The following GSE1 variants were observed in gnomAD, a reference collection of about 807,000 sequenced individuals.
The protein encoded by GSE1 is genetic suppressor element 1.
GSE1 carries 32 observed loss-of-function variants against 112.6 expected under a neutral mutation model. The ratio of observed to expected loss-of-function variants is 0.28; its 90% CI spans 0.21 to 0.38. The LOEUF is 0.38. Ranked by LOEUF, GSE1 falls within the 10% of genes least tolerant of loss-of-function variation. The pLI is 1.00. For missense variants in GSE1, 2,348 were observed against 1,699.2 expected (o/e 1.38, Z -6.71); for synonymous variants, 1,115 against 735.6 (o/e 1.52, Z -8.35).
intron 1 of GSE1, among the ~76,000 whole-genome samples, chr16:85,626,541 A>G (rs1291263887): frequency 6.6e-6 from 1 of 152,232 alleles, no homozygotes; most frequent in Non-Finnish European, 1.5e-5. Context: ...ATCCAGGTCC[A>G]GATTGTGTGT....
chr16:85,502,349 G>T (rs2051397769), intron 2 of GSE1, among the ~76,000 whole-genome samples: 1 of 152,330 alleles, frequency 6.6e-6, no homozygotes, highest in Middle Eastern at 3.4e-3. Context: ...TCATGGCCCT[G>T]TGTGTGCCGC....
At chr16:85,390,797 G>A (rs982042404) in intron 2 of GSE1, among the ~76,000 whole-genome samples, 32 of 145,750 alleles carry the variant, frequency 2.2e-4, no homozygotes, top group African/African-American at 7.1e-4. Context: ...TTTACCTCCC[G>A]GCTCCTCTGA....
At position 85,674,489 on chromosome 16, in the gene GSE1, A is replaced by G. The variant is rs1453975975; in HGVS notation, c.*1950A>G. On this transcript the variant is annotated 3_prime_UTR_variant, in exon 16 of 16. Transcript: ENST00000253458. ...AGGTGTTCAGAGGGAGTCTGCTACA[A>G]ACTATCAGGGCAAAATCTCACTGGA... is the stretch of plus-strand genomic sequence containing the variant. 1 of 152,144 alleles carries G rather than the reference A, an allele frequency of 6.6e-6. No homozygotes were observed. Among genetic ancestry groups the G allele is most frequent in the East Asian group, 1.9e-4 (1 of 5,194 alleles). 9.4% of individuals were successfully genotyped at this position (152,144 alleles called of 1,614,324 possible).
At chr16:85,192,831 G>T (rs1455154508) in intron 1 of GSE1, among the ~76,000 whole-genome samples, 1 of 152,166 alleles carries the variant, frequency 6.6e-6, no homozygotes, top group Admixed American at 6.5e-5. Context: ...GGTCGAGGCA[G>T]CATCTGGGCC....
At chr16:85,459,692 A>C (rs2049921963) in intron 2 of GSE1, among the ~76,000 whole-genome samples, 1 of 152,214 alleles carries the variant, frequency 6.6e-6, no homozygotes, top group Non-Finnish European at 1.5e-5. Flanking sequence ...CACTGAACCC[A>C]GTCTGCCCAC....
intron 1 of GSE1, among the ~76,000 whole-genome samples, chr16:85,186,060 C>A (rs2074694516): frequency 6.6e-6 from 1 of 152,162 alleles, no homozygotes; most frequent in Non-Finnish European, 1.5e-5. Flanking sequence ...GACATCTGAC[C>A]ATAGTCACCA....
chr16:85,569,052 G>A (rs532882743), intron 1 of GSE1, among the ~76,000 whole-genome samples: 24 of 152,296 alleles, frequency 1.6e-4, no homozygotes, highest in African/African-American at 4.8e-4. Flanking sequence ...GGCATGCAAC[G>A]GAGCCTCCTC....
chr16:85,225,404 G>T (rs1471605087), intron 1 of GSE1, among the ~76,000 whole-genome samples: 1 of 152,172 alleles, frequency 6.6e-6, no homozygotes, highest in East Asian at 1.9e-4. Context: ...GGCTTCCTGG[G>T]AAGAGCAGGA....
rs543353595 is a variant in GSE1, at chr16:85,470,155, C to T, written c.2464+112512C>T. Among the ~76,000 whole-genome samples the T allele has an allele frequency of 7.9e-5, 12 of 152,366 alleles. No homozygotes were observed. In the South Asian group the frequency reaches 1.4e-3, roughly 18 times the overall value. On this transcript the variant is annotated intron_variant, in intron 2 of 2. Coordinates refer to the GSE1 transcript ENST00000637419. ...ATCACCTCCCACCCCTCTAGAAAGTCGGCAGCTCGAGCCAGCTGGGCTGTT... is the reference window on the plus strand; with the variant it reads ...ATCACCTCCCACCCCTCTAGAAAGTTGGCAGCTCGAGCCAGCTGGGCTGTT...
At chr16:85,429,091 G>A (rs11646578) in intron 2 of GSE1, among the ~76,000 whole-genome samples, 3 of 152,106 alleles carry the variant, frequency 2.0e-5, no homozygotes, top group Non-Finnish European at 2.9e-5. Context: ...CATCACTCAC[G>A]GTAAACAGCC....
chr16:85,372,210 C>G (rs1439479066), intron 2 of GSE1, among the ~76,000 whole-genome samples: 2 of 152,156 alleles, frequency 1.3e-5, no homozygotes, highest in African/African-American at 4.8e-5. Context: ...GAAGGAACCC[C>G]TGGCGGGCGC....
chr16:85,624,175 C>A lies in GSE1; in HGVS notation c.8-9739C>A, dbSNP rs1363036897. Among the ~76,000 whole-genome samples the A allele has an allele frequency of 2.0e-5, 3 of 152,232 alleles. No homozygotes were observed. The South Asian group carries it at 6.2e-4, about 31-fold the overall frequency. On this transcript the variant is annotated intron_variant, in intron 1 of 15. Coordinates refer to ENST00000253458, the MANE Select transcript of GSE1 (RefSeq NM_014615.5). ...CCACGGAAACTTGGAGACCTCAGTG[C>A]CCGCCCTGGGGTGGGGGAGCCAGGT...
intron 2 of GSE1, among the ~76,000 whole-genome samples, chr16:85,512,342 G>A (rs895176974): frequency 5.3e-5 from 8 of 152,194 alleles, no homozygotes; most frequent in Admixed American, 4.6e-4. Flanking sequence ...CAGGACAGCT[G>A]TCGGGCCCCA....
chr16:85,377,493 C>T (rs1410790508), intron 2 of GSE1, among the ~76,000 whole-genome samples: 1 of 152,208 alleles, frequency 6.6e-6, no homozygotes, highest in Non-Finnish European at 1.5e-5. Flanking sequence ...CCTCTCTGTG[C>T]CTTAGCTGTC....
chr16:85,223,506 G>A (rs1186271106), intron 1 of GSE1, among the ~76,000 whole-genome samples: 1 of 151,732 alleles, frequency 6.6e-6, no homozygotes, highest in African/African-American at 2.4e-5. Flanking sequence ...CTGGGCAACA[G>A]AGCAAGACTC....
At chr16:85,197,037 G>C (rs1346597101) in intron 1 of GSE1, among the ~76,000 whole-genome samples, 1 of 152,292 alleles carries the variant, frequency 6.6e-6, no homozygotes, top group African/African-American at 2.4e-5. Context: ...CTTAACTTCT[G>C]CGTTTCCTGT....
intron 1 of GSE1, among the ~76,000 whole-genome samples, chr16:85,199,553 G>A (rs534073122): frequency 5.3e-5 from 8 of 152,300 alleles, no homozygotes; most frequent in African/African-American, 1.9e-4. Context: ...GCTTAGCTGC[G>A]AAAAGAGACA....
At chr16:85,400,795 G>C (rs1372720542) in intron 2 of GSE1, among the ~76,000 whole-genome samples, 1 of 118,866 alleles carries the variant, frequency 8.4e-6, no homozygotes, top group East Asian at 2.4e-4. Flanking sequence ...TGTGTGGTGT[G>C]TGTCTCTGTA....
chr16:85,483,261 A>G (rs1402151543), intron 2 of GSE1, among the ~76,000 whole-genome samples: 1 of 152,262 alleles, frequency 6.6e-6, no homozygotes, highest in Non-Finnish European at 1.5e-5. Context: ...CTTTCAGAGG[A>G]GGAAGCCTCA....
Sources: allele counts gnomAD v4.1 joint callset (sites outside exome capture counted in the v4.1 genomes callset), GRCh38; gene constraint gnomAD v4.1.1; transcripts MANE v1.5; gene names NCBI Gene and HGNC (gene_info 2026-07-23, HGNC 2026-07-21).